PPP2R2D: variants seen among roughly 807,000 people sequenced by gnomAD.
PPP2R2D encodes protein phosphatase 2 regulatory subunit Bdelta, also known as serine/threonine-protein phosphatase 2A 55 kDa regulatory subunit B delta isoform.
In PPP2R2D, 9 loss-of-function variants were observed where a neutral mutation model predicts 31.1. The observed-to-expected ratio is 0.29, with a 90% CI of 0.17 to 0.51. The LOEUF is 0.51. Ranked by LOEUF, PPP2R2D falls within the 20% of genes least tolerant of loss-of-function variation. The pLI, the probability that PPP2R2D is intolerant of heterozygous loss-of-function variation, is 0.98. For missense variants in PPP2R2D, 391 were observed against 465.6 expected, an observed-to-expected ratio of 0.84 and a Z score of 1.48; for synonymous variants, 179 against 172.6, an observed-to-expected ratio of 1.04 and a Z score of -0.29.
intron 8 of PPP2R2D, among the ~76,000 whole-genome samples, chr10:131,952,117 G>A (rs374701599): frequency 8.0e-6 from 1 of 124,960 alleles, no homozygotes; most frequent in East Asian, 2.8e-4. Context: ...CGCTGTCTTA[G>A]CAGTGACTTG....
intron 8 of PPP2R2D, 108 bp from the exon 9 acceptor site, chr10:131,955,576 G>GGT: frequency 1.0e-6 from 1 of 952,726 alleles, no homozygotes; most frequent in South Asian, 4.7e-5. Flanking sequence ...AAAGTAACTG[G>GGT]GTTGTGGGGG....
the PPP2R2D span, chr10:131,970,366 G>C: frequency 1.9e-6 from 1 of 518,372 alleles, no homozygotes; most frequent in Non-Finnish European, 3.4e-6. The surrounding 1 kb of genome is among the most constrained non-coding windows in gnomAD (Gnocchi z 4.1). Flanking sequence ...TCAGACCTAA[G>C]AAGCCCTGCT....
rs533004383 is a variant in PPP2R2D at position 131,958,904 on chromosome 10, C to T, written c.*2941C>T. Reference sequence around the variant, plus strand: ...TGTGGAGATGAAGGCGTGTGCTGATCCCCCATCCCCCTGTGGAGATAAAGG... The same window carrying T: ...TGTGGAGATGAAGGCGTGTGCTGATTCCCCATCCCCCTGTGGAGATAAAGG... On this transcript the variant is annotated 3_prime_UTR_variant, in exon 9 of 9. Transcript: ENST00000455566. 1.5e-5 allele frequency: 2 copies of T among 131,134 alleles called. No homozygotes were observed. Among genetic ancestry groups the T allele is most frequent in the African/African-American group, 7.8e-5 (2 of 25,712 alleles). 8.1% of individuals were successfully genotyped at this position (131,134 alleles called of 1,614,324 possible). A position where few individuals can be genotyped will look rare whatever the true frequency, so the allele number is the denominator to read the frequency against.
chr10:131,970,459 T>G, the PPP2R2D span: 2 of 906,450 alleles, frequency 2.2e-6, no homozygotes, highest in Non-Finnish European at 3.2e-6. The surrounding 1 kb of genome is among the most constrained non-coding windows in gnomAD (Gnocchi z 4.1). Flanking sequence ...GCTGGGGCCT[T>G]TGGGGGCTGC....
At chr10:131,920,767 A>G (rs1297248548) in intron 2 of PPP2R2D, among the ~76,000 whole-genome samples, 1 of 152,094 alleles carries the variant, frequency 6.6e-6, no homozygotes, top group Non-Finnish European at 1.5e-5. Flanking sequence ...CGTTGCTACT[A>G]AAAATACAAA....
At chr10:131,913,360 T>C (rs2035715650) in intron 2 of PPP2R2D, among the ~76,000 whole-genome samples, 1 of 152,120 alleles carries the variant, frequency 6.6e-6, no homozygotes. Flanking sequence ...TTATGAATAT[T>C]AGTCTCCTGA....
intron 2 of PPP2R2D, among the ~76,000 whole-genome samples, chr10:131,922,705 C>CA (rs375054944): frequency 4.5e-4 from 69 of 152,206 alleles, no homozygotes; most frequent in African/African-American, 1.6e-3. Context: ...CTCGGCCTCT[C>CA]AAAGTGCTGG....
At chr10:131,970,690 T>C in the PPP2R2D span, 69 of 1,614,180 alleles carry the variant, frequency 4.3e-5, no homozygotes, top group Non-Finnish European at 5.6e-5. The surrounding 1 kb of genome is among the most constrained non-coding windows in gnomAD (Gnocchi z 4.1). Flanking sequence ...AGGAAAACTT[T>C]CAGAAATTCT....
At chr10:131,933,910 T>C (rs1376109322) in intron 2 of PPP2R2D, among the ~76,000 whole-genome samples, 3 of 152,104 alleles carry the variant, frequency 2.0e-5, no homozygotes, top group African/African-American at 7.2e-5. Context: ...CACTTGGTAA[T>C]GATGTCATCA....
intron 2 of PPP2R2D, among the ~76,000 whole-genome samples, chr10:131,932,666 AAACACAC>A (rs2036261743): frequency 7.0e-6 from 1 of 142,446 alleles, no homozygotes; most frequent in African/African-American, 3.0e-5. Context: ...AAAAAAAAAA[AAACACAC>A]AAAAAAAACC....
At chr10:131,961,568 C>T (rs531212280), downstream of PPP2R2D, among the ~76,000 whole-genome samples, 1 of 152,312 alleles carries the variant, frequency 6.6e-6, no homozygotes, top group South Asian at 2.1e-4. Context: ...CCTCTGTGCC[C>T]CATACGCCCC....
intron 4 of PPP2R2D, 117 bp downstream of exon 4, chr10:131,940,313 G>A (rs1554897036): frequency 3.5e-6 from 2 of 568,370 alleles, no homozygotes; most frequent in Non-Finnish European, 6.4e-6. Context: ...TGGGGGGAGG[G>A]TAAGTTATCT....
Position 131,944,127 on chromosome 10 carries a change from A to G in PPP2R2D, c.637A>G (p.Ile213Val), listed in dbSNP as rs782809700. The change falls in exon 6 of 9, where the codon ATC (isoleucine) becomes GTC (valine). Residue 213 changes from isoleucine (I) to valine (V), a missense_variant. Physicochemically the swap from Ile to Val is conservative, Grantham distance 29. Around this residue, in one of 3 missense-constraint regions of PPP2R2D, gnomAD observed 123 missense variants for 187.7 expected, o/e 0.66. Coordinates refer to ENST00000455566, the MANE Select transcript of PPP2R2D (RefSeq NM_018461.5). ...DLRINLWHLE[I>V]TDRSFNIVDI... ...GAGAATTAATTTATGGCACTTAGAA[A>G]TCACAGATAGAAGCTTTAGTATCCT... 46 of 1,612,170 alleles carry G rather than the reference A, an allele frequency of 2.9e-5. No individual in the cohort carries two copies. Among genetic ancestry groups the G allele is most frequent in the Non-Finnish European group, 3.5e-5 (41 of 1,179,036 alleles).
chr10:131,907,663 A>AATC (rs2035617445), intron 2 of PPP2R2D, among the ~76,000 whole-genome samples: 1 of 151,982 alleles, frequency 6.6e-6, no homozygotes, highest in African/African-American at 2.4e-5. Flanking sequence ...GAATGGCATG[A>AATC]ACCCAGGAGG....
intron 4 of PPP2R2D, 35 bp downstream of exon 4, chr10:131,940,231 G>T: frequency 3.2e-6 from 2 of 620,386 alleles, no homozygotes; most frequent in Non-Finnish European, 2.9e-6. Context: ...GTTTGATTTA[G>T]TTTTTTATTT....
chr10:131,914,335 G>A (rs1554892787), intron 2 of PPP2R2D, among the ~76,000 whole-genome samples: 2 of 152,170 alleles, frequency 1.3e-5, no homozygotes, highest in African/African-American at 4.8e-5. Flanking sequence ...ATTCCAGCCT[G>A]GGAACAGAGT....
In PPP2R2D at chr10:131,944,013, C is replaced by T. The variant is rs2036490103; in HGVS notation, c.523C>T (p.Arg175Trp). 2.2e-6 allele frequency: 3 copies of T among 1,356,006 alleles called. No homozygotes were observed. Among genetic ancestry groups the T allele is most frequent in the African/African-American group, 1.4e-5 (1 of 69,706 alleles). 84.0% of individuals were successfully genotyped at this position (1,356,006 alleles called of 1,614,324 possible). A position where few individuals can be genotyped will look rare whatever the true frequency, so the allele number is the denominator to read the frequency against. The change falls in exon 6 of 9, where the codon CGG becomes TGG. Residue 175 changes from arginine to tryptophan, a missense_variant. Coordinates refer to ENST00000455566, the MANE Select transcript of PPP2R2D (RefSeq NM_018461.5). ...PMDLMVEASPRRIFANAHTYH... is the reference protein window; with the variant it reads ...PMDLMVEASPWRIFANAHTYH... ...GGATCTTATGGTAGAAGCGAGTCCA[C>T]GGCGAATTTTTGCAAATGCTCACAC...
intron 5 of PPP2R2D, among the ~76,000 whole-genome samples, chr10:131,941,119 G>A (rs782698933): frequency 7.9e-5 from 12 of 152,232 alleles, no homozygotes; most frequent in Admixed American, 2.0e-4. Flanking sequence ...GACGCTTCTC[G>A]GGGAATTTCT....
At chr10:131,927,098 A>G (rs1490136482) in intron 2 of PPP2R2D, among the ~76,000 whole-genome samples, 2 of 151,964 alleles carry the variant, frequency 1.3e-5, no homozygotes, top group African/African-American at 4.8e-5. Flanking sequence ...TTTGACGGGG[A>G]GATTATGGCT....
Sources: allele counts gnomAD v4.1 joint callset (sites outside exome capture counted in the v4.1 genomes callset), GRCh38; gene constraint gnomAD v4.1.1; regional missense constraint gnomAD v4.1.1; non-coding constraint Gnocchi (gnomAD v3.1); transcripts MANE v1.5; gene names NCBI Gene and HGNC (gene_info 2026-07-23, HGNC 2026-07-21).